Variants in GALNTL6 observed in about 807,000 individuals in gnomAD.
GALNTL6 encodes polypeptide N-acetylgalactosaminyltransferase like 6, also known as polypeptide N-acetylgalactosaminyltransferase-like 6.
In GALNTL6, 46 loss-of-function variants were observed where a neutral mutation model predicts 73.7. The ratio of observed to expected loss-of-function variants is 0.62; its 90% confidence interval spans 0.49 to 0.80. The LOEUF (loss-of-function observed/expected upper bound fraction) is 0.80, where lower values mean the gene tolerates loss of function less well. GALNTL6 is among the 30% of genes least tolerant of loss of function. The pLI is 0.00. For missense variants in GALNTL6, 604 were observed against 755.0 expected, an observed-to-expected ratio of 0.80 and a Z score of 2.34; for synonymous variants, 259 against 263.7, an observed-to-expected ratio of 0.98 and a Z score of 0.17.
intron 10 of GALNTL6, among the ~76,000 whole-genome samples, chr4:172,965,496 T>A (rs1750281094): frequency 6.6e-6 from 1 of 151,840 alleles, no homozygotes. Context: ...GGTGGGAGAA[T>A]GGCGTGAACC....
chr4:172,037,233 T>C (rs1420275997), intron 2 of GALNTL6, among the ~76,000 whole-genome samples: 1 of 152,206 alleles, frequency 6.6e-6, no homozygotes, highest in African/African-American at 2.4e-5. Flanking sequence ...TCTGTGTTTA[T>C]ACATGGGTTG....
chr4:172,474,824 C>T (rs1392827321), intron 5 of GALNTL6, among the ~76,000 whole-genome samples: 1 of 152,160 alleles, frequency 6.6e-6, no homozygotes. Flanking sequence ...AAATAAAAGA[C>T]AGCTGTTCTA....
intron 5 of GALNTL6, among the ~76,000 whole-genome samples, chr4:172,527,246 C>A (rs1001993025): frequency 6.6e-6 from 1 of 152,138 alleles, no homozygotes; most frequent in Non-Finnish European, 1.5e-5. Context: ...GCTGGTGATA[C>A]ATCTCATATA....
intron 7 of GALNTL6, among the ~76,000 whole-genome samples, chr4:172,825,057 T>G (rs146972507): frequency 9.5e-5 from 1 of 10,542 alleles, no homozygotes; most frequent in African/African-American, 1.3e-4. Flanking sequence ...TTCTTTTTTC[T>G]TTTTTTTTTT....
At chr4:172,660,638 C>T (rs1313369563) in intron 5 of GALNTL6, among the ~76,000 whole-genome samples, 1 of 152,182 alleles carries the variant, frequency 6.6e-6, no homozygotes, top group Non-Finnish European at 1.5e-5. Context: ...CTCTGTCTTT[C>T]AAAGTCATGT....
intron 5 of GALNTL6, among the ~76,000 whole-genome samples, chr4:172,735,915 C>T (rs1736432384): frequency 6.6e-6 from 1 of 152,130 alleles, no homozygotes; most frequent in African/African-American, 2.4e-5. Flanking sequence ...TTCCGTGATG[C>T]CCCTTGAGCC....
intron 5 of GALNTL6, among the ~76,000 whole-genome samples, chr4:172,736,321 G>A (rs534835795): frequency 1.8e-4 from 28 of 152,276 alleles, no homozygotes; most frequent in African/African-American, 6.5e-4. Flanking sequence ...ATTTTCCCAG[G>A]GCTGTTCCTT....
chr4:171,875,438 C>G (rs1303926994), intron 2 of GALNTL6, among the ~76,000 whole-genome samples: 1 of 152,064 alleles, frequency 6.6e-6, no homozygotes, highest in Non-Finnish European at 1.5e-5. Context: ...TTGCCTTGTC[C>G]CTGCCTAGTT....
chr4:172,279,762 G>A (rs531829601), intron 3 of GALNTL6, among the ~76,000 whole-genome samples: 16 of 152,204 alleles, frequency 1.1e-4, no homozygotes, highest in African/African-American at 3.9e-4. Flanking sequence ...GTCTTGAAAA[G>A]ATATTTGTAT....
chr4:172,859,765 C>T (rs1423949363), intron 7 of GALNTL6, among the ~76,000 whole-genome samples: 1 of 152,182 alleles, frequency 6.6e-6, no homozygotes, highest in Non-Finnish European at 1.5e-5. Flanking sequence ...AGCTCCATCT[C>T]CTGTCAGATC....
chr4:172,255,934 A>G (rs1156918332), intron 3 of GALNTL6, among the ~76,000 whole-genome samples: 1 of 151,434 alleles, frequency 6.6e-6, no homozygotes, highest in Non-Finnish European at 1.5e-5. Context: ...ATATTTCAGC[A>G]TCTGCTATTT....
chr4:172,008,511 C>A (rs1740902617), intron 2 of GALNTL6, among the ~76,000 whole-genome samples: 1 of 151,984 alleles, frequency 6.6e-6, no homozygotes, highest in Admixed American at 6.6e-5. Flanking sequence ...CTCAGTACCT[C>A]CTTTTGTTTC....
chr4:172,410,794 T>C (rs1744403872), intron 5 of GALNTL6, among the ~76,000 whole-genome samples: 1 of 152,164 alleles, frequency 6.6e-6, no homozygotes, highest in Non-Finnish European at 1.5e-5. Context: ...TTGGCTCTTT[T>C]ATTTCTCACT....
At chr4:172,795,903 TAAAC>T (rs1341481721) in intron 5 of GALNTL6, among the ~76,000 whole-genome samples, 4 of 151,618 alleles carry the variant, frequency 2.6e-5, no homozygotes, top group South Asian at 2.1e-4. Flanking sequence ...ATCTAAATCT[TAAAC>T]AATAAGAAAA....
intron 2 of GALNTL6, among the ~76,000 whole-genome samples, chr4:172,057,822 T>C (rs1731076275): frequency 6.7e-6 from 1 of 149,626 alleles, no homozygotes; most frequent in South Asian, 2.1e-4. Flanking sequence ...TGAATTGTTC[T>C]CTTTGTGTGA....
intron 12 of GALNTL6, among the ~76,000 whole-genome samples, chr4:173,028,676 T>C (rs10019125): frequency 2.6e-5 from 4 of 152,292 alleles, no homozygotes; most frequent in East Asian, 3.9e-4. Context: ...AGTTCAATTA[T>C]TGATATGAGC....
chr4:172,061,252 T>C (rs1445802607), intron 2 of GALNTL6, among the ~76,000 whole-genome samples: 6 of 152,124 alleles, frequency 3.9e-5, no homozygotes, highest in Non-Finnish European at 7.4e-5. Flanking sequence ...CTCCTTTCAA[T>C]CTGACTAGAT....
Position 172,171,150 on chromosome 4 carries a change from C to T in GALNTL6, c.139-58506C>T, listed in dbSNP as rs138897724. ...CAAAGCATGCTGTTGCCGTAAAGAT[C>T]AAAGTCAGTGTTTGGACTTCAGATT... On this transcript the variant is annotated intron_variant, in intron 2 of 12. Coordinates refer to ENST00000506823, the MANE Select transcript of GALNTL6 (RefSeq NM_001034845.3). 3.5e-4 allele frequency among the ~76,000 whole-genome samples: 53 copies of T among 152,278 alleles called. No individual in the cohort carries two copies. The South Asian group carries it at 4.2e-3, about 12-fold the overall frequency.
At chr4:172,225,162 C>T (rs529259786) in intron 2 of GALNTL6, among the ~76,000 whole-genome samples, 7 of 151,844 alleles carry the variant, frequency 4.6e-5, no homozygotes, top group East Asian at 2.0e-4. Flanking sequence ...AAACAGAGGA[C>T]GCATGATATA....
Sources: gnomAD v4.1 joint callset for allele counts (sites outside exome capture counted in the v4.1 genomes callset) on GRCh38, gnomAD v4.1.1 for gene constraint, MANE v1.5 for transcripts, NCBI Gene and HGNC (gene_info 2026-07-23, HGNC 2026-07-21) for gene names.